Variants in USP28 observed in about 807,000 individuals in gnomAD.
USP28 encodes ubiquitin carboxyl-terminal hydrolase 28.
In USP28, 113 loss-of-function variants were observed where a neutral mutation model predicts 145.0. The ratio of observed to expected loss-of-function variants is 0.78; its 90% CI spans 0.67 to 0.91. The LOEUF is 0.91. USP28 is among the 40% of genes least tolerant of loss of function. USP28 has a pLI of 0.00. For missense variants in USP28, 1,201 were observed against 1,289.6 expected (o/e 0.93, Z 1.05); for synonymous variants, 447 against 450.9 (o/e 0.99, Z 0.11).
chr11:113,806,655 C>T, intron 18 of USP28, 71 bp from the exon 20 acceptor site: 1 of 1,125,652 alleles, frequency 8.9e-7, no homozygotes, highest in South Asian at 1.6e-5. Flanking sequence ...TGTATGAAAG[C>T]AGGCTGAACA....
chr11:113,816,001 A>C (rs1163342958), intron 13 of USP28, among the ~76,000 whole-genome samples: 2 of 152,202 alleles, frequency 1.3e-5, no homozygotes, highest in Admixed American at 6.5e-5. Context: ...AAAAAGTATT[A>C]ATATCTCATC....
chr11:113,822,558 C>G (rs1183462729), intron 12 of USP28: 2 of 152,004 alleles, frequency 1.3e-5, no homozygotes, highest in South Asian at 2.1e-4. Flanking sequence ...AGGCAATCCT[C>G]TTGCCTCAGC....
At chr11:113,875,519 G>T in exon 1 of USP28, 3 of 1,157,148 alleles carry the variant, frequency 2.6e-6, no homozygotes, top group Non-Finnish European at 3.2e-6. Flanking sequence ...GCGCCCAGCC[G>T]CGGGTCACCG....
intron 1 of USP28, among the ~76,000 whole-genome samples, chr11:113,858,074 C>T (rs1027804758): frequency 3.9e-5 from 6 of 152,124 alleles, no homozygotes; most frequent in Non-Finnish European, 7.4e-5. Context: ...CCATGTTGGC[C>T]AGGCTGGTCT....
chr11:113,805,238 T>C (rs1034582), intron 19 of USP28, among the ~76,000 whole-genome samples, 192 bp from the exon 21 acceptor site: 76,732 of 149,256 alleles, frequency 0.51, 20,284 homozygotes, highest in South Asian at 0.6. Context: ...TTTAGCATTC[T>C]GGCACCAAAA....
chr11:113,824,871 C>T (rs918387755), intron 11 of USP28, among the ~76,000 whole-genome samples: 2 of 146,476 alleles, frequency 1.4e-5, no homozygotes, highest in Non-Finnish European at 3.0e-5. Flanking sequence ...GCAGAGGTTG[C>T]GGTGAGCCAA....
At chr11:113,875,493 C>G in exon 1 of USP28, 1 of 1,209,368 alleles carries the variant, frequency 8.3e-7, no homozygotes, top group Non-Finnish European at 1.0e-6. Flanking sequence ...GCTGCAGCTC[C>G]GCAGTCATGG....
intron 10 of USP28, 91 bp downstream of exon 10, chr11:113,829,106 T>A: frequency 6.5e-7 from 1 of 1,541,430 alleles, no homozygotes. Context: ...TAAAGTTACT[T>A]AATATGTGAT....
chr11:113,801,306 G>A (rs1211805482), intron 24 of USP28, among the ~76,000 whole-genome samples, 177 bp downstream of exon 25: 7 of 152,006 alleles, frequency 4.6e-5, no homozygotes, highest in Admixed American at 4.6e-4. Flanking sequence ...AGGTTAAGAG[G>A]GGCAGAGGCC....
chr11:113,858,313 C>T (rs1439375341), intron 1 of USP28, among the ~76,000 whole-genome samples: 3 of 152,194 alleles, frequency 2.0e-5, no homozygotes, highest in Non-Finnish European at 4.4e-5. Context: ...CCCCCCTTAG[C>T]CTGTTCCACC....
In USP28 at chr11:113,829,182, A is replaced by C; in HGVS notation, c.1059+15T>G. On this transcript the variant is annotated intron_variant, in intron 10 of 24. Transcript: ENST00000003302. Reference sequence around the variant, plus strand: ...GCTTTGTCACTGGCACAGCAAATAAAGATCTCCAACGTACCTCTTGTCCAT... The same window carrying C: ...GCTTTGTCACTGGCACAGCAAATAACGATCTCCAACGTACCTCTTGTCCAT... The C allele has an allele frequency of 6.2e-7, 1 of 1,609,260 alleles. No individual in the cohort carries two copies. The highest frequency in any genetic ancestry group is 1.1e-5 in the South Asian group (1 of 90,334).
chr11:113,801,590 A>G, exon 24 of USP28: 2 of 1,610,970 alleles, frequency 1.2e-6, no homozygotes, highest in Non-Finnish European at 1.7e-6. Context: ...AATGCAGGGG[A>G]TGATCAGTTC....
chr11:113,850,732 T>C (rs1291495502), intron 3 of USP28, among the ~76,000 whole-genome samples: 6 of 152,146 alleles, frequency 3.9e-5, no homozygotes, highest in Admixed American at 3.9e-4. Context: ...AACCAGTGCT[T>C]AAGCTGCAGA....
Position 113,874,421 on chromosome 11 carries a change from T to A in USP28, c.57+1024A>T, listed in dbSNP as rs1949155117. 76 of 892,392 alleles carry A rather than the reference T, an allele frequency of 8.5e-5. 1 individual carries two copies. The South Asian group carries it at 1.1e-3, about 13-fold the overall frequency. The allele number at this position is 892,392 out of a possible 1,614,324, so 55.3% of individuals were successfully genotyped here. On this transcript the variant is annotated intron_variant, in intron 1 of 24. Coordinates refer to ENST00000003302, the Ensembl canonical transcript of USP28. Reference sequence around the variant, plus strand: ...GCCTAGGCAACAGAGGGAGACTCTGTCGAAAAAAAAAAAAAAAAAAAAAAA... The same window carrying A: ...GCCTAGGCAACAGAGGGAGACTCTGACGAAAAAAAAAAAAAAAAAAAAAAA...
At chr11:113,803,941 T>C (rs1939495888) in intron 21 of USP28, 64 bp from the exon 23 acceptor site, 1 of 1,442,646 alleles carries the variant, frequency 6.9e-7, no homozygotes, top group African/African-American at 1.4e-5. Context: ...CCTTCCCATC[T>C]AAGTTTTAAA....
Position 113,803,214 on chromosome 11 carries a change from GC to G in USP28, c.2805del (p.Arg937AlafsTer8). On this transcript the variant is annotated frameshift_variant, in exon 23 of 25. Transcript: ENST00000003302. LOFTEE classifies it high-confidence loss of function. ...ACGGATTCTTTGACCCCCCGGCGGG[GC>G]CCCTTCATCAGCAGGGCAGCATTGC... 1 of 1,614,072 alleles carries G rather than the reference GC, an allele frequency of 6.2e-7. No individual in the cohort carries two copies. Among genetic ancestry groups the G allele is most frequent in the Non-Finnish European group, 8.5e-7 (1 of 1,179,970 alleles).
At position 113,862,085 on chromosome 11, in the gene USP28, G is replaced by A. The variant is rs185188707; in HGVS notation, c.58-7750C>T. On this transcript the variant is annotated intron_variant, in intron 1 of 24. Coordinates refer to ENST00000003302, the Ensembl canonical transcript of USP28. ...GAGATTGCTGGGTGTGGTGGCTCAC[G>A]CCTGTAATCCCAGCACTTTACGGGG... is the stretch of plus-strand genomic sequence containing the variant. Among the ~76,000 whole-genome samples, 1,358 of 152,282 alleles carry A rather than the reference G, an allele frequency of 8.9e-3. 21 individuals carry two copies. The highest frequency in any genetic ancestry group is 0.032 in the African/African-American group (1,323 of 41,556).
chr11:113,807,344 G>A (rs929099853), intron 18 of USP28, among the ~76,000 whole-genome samples: 1 of 151,980 alleles, frequency 6.6e-6, no homozygotes, highest in African/African-American at 2.4e-5. Context: ...AAAGGGCTGG[G>A]ATTATAGGCG....
rs192899637 is a variant in USP28 at position 113,828,972 on chromosome 11, T to C, written c.1059+225A>G. ...CATACTTAAAACATCAGAAGCAGCATACAACCTTTACACGAGTAACTCAAA... is the reference window on the plus strand; with the variant it reads ...CATACTTAAAACATCAGAAGCAGCACACAACCTTTACACGAGTAACTCAAA... On this transcript the variant is annotated intron_variant, in intron 10 of 24. Transcript: ENST00000003302. 15 of 682,012 alleles carry C rather than the reference T, an allele frequency of 2.2e-5. No homozygotes were observed. In the East Asian group the frequency reaches 3.8e-4, roughly 17 times the overall value. The allele number at this position is 682,012 out of a possible 1,614,324, so 42.2% of individuals were successfully genotyped here. A position where few individuals can be genotyped will look rare whatever the true frequency, so the allele number is the denominator to read the frequency against.
Sources: allele counts gnomAD v4.1 joint callset (sites outside exome capture counted in the v4.1 genomes callset), GRCh38; gene constraint gnomAD v4.1.1; transcripts MANE v1.5; gene names NCBI Gene and HGNC (gene_info 2026-07-23, HGNC 2026-07-21).